LTBP1: variants seen among roughly 807,000 people sequenced by gnomAD.
The protein encoded by LTBP1 is latent transforming growth factor beta binding protein 1, also known as latent-transforming growth factor beta-binding protein 1.
LTBP1 carries 129 observed loss-of-function variants against 207.6 expected under a neutral mutation model. The observed-to-expected ratio is 0.62, with a 90% CI of 0.54 to 0.72. LTBP1 has a LOEUF of 0.72. Ranked by LOEUF, LTBP1 falls within the 30% of genes least tolerant of loss-of-function variation. LTBP1 has a pLI of 0.00. For missense variants in LTBP1, 2,281 were observed against 2,217.2 expected, an observed-to-expected ratio of 1.03 and a Z score of -0.58; for synonymous variants, 963 against 833.7, an observed-to-expected ratio of 1.16 and a Z score of -2.67.
At chr2:33,035,667 C>G (rs2075886247) in intron 3 of LTBP1, among the ~76,000 whole-genome samples, 1 of 152,204 alleles carries the variant, frequency 6.6e-6, no homozygotes. Context: ...ATATTTAACA[C>G]TTGCTGTGTA....
chr2:33,071,086 G>A (rs1177084451), intron 3 of LTBP1, among the ~76,000 whole-genome samples: 1 of 152,164 alleles, frequency 6.6e-6, no homozygotes, highest in African/African-American at 2.4e-5. Flanking sequence ...GCAGAGTAAA[G>A]ATTTTTCCAG....
At chr2:33,334,020 T>C (rs575311489) in intron 24 of LTBP1, among the ~76,000 whole-genome samples, 2 of 151,984 alleles carry the variant, frequency 1.3e-5, no homozygotes, top group East Asian at 3.9e-4. Context: ...AAGGAGAGAG[T>C]GGTCAACCGC....
At position 33,275,099 on chromosome 2, in the gene LTBP1, A is replaced by G. The variant is rs758115537; in HGVS notation, c.2869+9A>G. 3 of 1,613,468 alleles carry G rather than the reference A, an allele frequency of 1.9e-6. No homozygotes were observed. Among genetic ancestry groups the G allele is most frequent in the South Asian group, 1.1e-5 (1 of 91,042 alleles). ...GGGTACTAACTGCATAGGTAATGGC[A>G]GCATTCTTCCTGCTTACAAATTCTT... is the stretch of plus-strand genomic sequence containing the variant. On this transcript the variant is annotated intron_variant, in intron 17 of 33. Transcript: ENST00000404816.
intron 18 of LTBP1, among the ~76,000 whole-genome samples, chr2:33,279,545 T>C (rs531938630): frequency 6.6e-6 from 1 of 152,140 alleles, no homozygotes; most frequent in South Asian, 2.1e-4. Flanking sequence ...GGAATTCCTG[T>C]CATATGAAAG....
intron 3 of LTBP1, among the ~76,000 whole-genome samples, chr2:33,076,838 A>G (rs1055363729): frequency 3.9e-4 from 60 of 152,296 alleles, no homozygotes; most frequent in Non-Finnish European, 7.1e-4. Context: ...CCCAGACCCT[A>G]ATGTCTCATC....
chr2:33,180,041 A>G (rs2086460435), intron 5 of LTBP1, among the ~76,000 whole-genome samples: 1 of 152,080 alleles, frequency 6.6e-6, no homozygotes, highest in African/African-American at 2.4e-5. Context: ...GTCTTCACTC[A>G]TGTTATTTGT....
intron 2 of LTBP1, among the ~76,000 whole-genome samples, chr2:32,984,127 C>CT (rs1268804560): frequency 2.0e-5 from 3 of 152,158 alleles, no homozygotes; most frequent in African/African-American, 4.8e-5. Context: ...TTAAGAATGA[C>CT]TTTTTTTGGA....
chr2:33,128,125 T>C (rs1021014258), intron 4 of LTBP1, among the ~76,000 whole-genome samples: 3 of 152,208 alleles, frequency 2.0e-5, no homozygotes, highest in African/African-American at 7.2e-5. Context: ...AATGTGTTCC[T>C]TGGTAAACAA....
rs1354993958 is a variant in LTBP1 at position 32,947,040 on chromosome 2, G to C, written c.-285G>C. On this transcript the variant is annotated 5_prime_UTR_variant, in exon 1 of 34. Transcript: ENST00000404816. The stretch of plus-strand genomic sequence containing the variant: ...GCTGCAACCCCCGGCCGGACGCGCG[G>C]ACCCTCACCTTGCGCGGCCCGCTCC... The C allele has an allele frequency of 3.8e-6, 1 of 261,778 alleles. No individual in the cohort carries two copies. The highest frequency in any genetic ancestry group is 2.2e-5 in the African/African-American group (1 of 44,560). 16.2% of individuals were successfully genotyped at this position (261,778 alleles called of 1,614,324 possible).
intron 24 of LTBP1, among the ~76,000 whole-genome samples, chr2:33,337,970 A>G (rs2094572093): frequency 6.6e-6 from 1 of 152,228 alleles, no homozygotes; most frequent in African/African-American, 2.4e-5. Flanking sequence ...GGGACTAACA[A>G]TGGAAAAATA....
intron 31 of LTBP1, among the ~76,000 whole-genome samples, chr2:33,382,111 T>TTTTTTTTTTTTTTTTTTTTG (rs1553316521): frequency 4.8e-5 from 5 of 103,650 alleles, no homozygotes; most frequent in African/African-American, 2.4e-4. Context: ...TTTTTTTTTT[T>TTTTTTTTTTTTTTTTTTTTG]TGAGACAGAG....
intron 19 of LTBP1, among the ~76,000 whole-genome samples, chr2:33,287,208 C>A (rs2093683564): frequency 6.6e-6 from 1 of 152,186 alleles, no homozygotes; most frequent in Non-Finnish European, 1.5e-5. Flanking sequence ...AAGGTTTTGA[C>A]ATGATGGCAT....
In LTBP1 at chr2:33,373,971, A is replaced by G. The variant is rs529728343; in HGVS notation, c.4711+8468A>G. On this transcript the variant is annotated intron_variant, in intron 31 of 33. Transcript: ENST00000404816. ...TCATATCATTTTGCAAAAGTAAAGA[A>G]TTTGGAATGTCTTCAAACAATTCGG... 3.3e-5 allele frequency among the ~76,000 whole-genome samples: 5 copies of G among 152,336 alleles called. No homozygotes were observed. In the South Asian group the frequency reaches 1.0e-3, roughly 32 times the overall value.
At chr2:33,220,021 T>G (rs1440512022) in intron 8 of LTBP1, among the ~76,000 whole-genome samples, 1 of 152,212 alleles carries the variant, frequency 6.6e-6, no homozygotes, top group Non-Finnish European at 1.5e-5. Flanking sequence ...AAAGTTGCTG[T>G]CACTTTTAAC....
Position 32,947,713 on chromosome 2 carries a change from C to T in LTBP1, c.389C>T (p.Pro130Leu). Residue 130 changes from proline (P) to leucine (L), a missense_variant, in exon 1 of 34, where the codon CCG becomes CTG. Physicochemically the swap from Pro to Leu is moderately conservative, Grantham distance 98. Around this residue, in one of 3 missense-constraint regions of LTBP1, gnomAD observed 555 missense variants for 491.0 expected, o/e 1.13. Transcript: ENST00000404816. ...CCCGGCGGCCACCCGGCAGCCGCCC[C>T]GTTCACCAAACAAGGCAGGCAAGTT... ...PNPGGHPAAA[P>L]FTKQGRQVVR... 6.5e-7 allele frequency: 1 copy of T among 1,532,926 alleles called. No homozygotes were observed. Among genetic ancestry groups the T allele is most frequent in the Non-Finnish European group, 8.8e-7 (1 of 1,141,228 alleles). The allele number at this position is 1,532,926 out of a possible 1,614,324, so 95.0% of individuals were successfully genotyped here.
intron 15 of LTBP1, among the ~76,000 whole-genome samples, chr2:33,267,413 A>G (rs1057310368): frequency 9.9e-5 from 15 of 152,228 alleles, no homozygotes; most frequent in African/African-American, 3.6e-4. Context: ...TGATACCCCA[A>G]GGATCCTGTG....
chr2:33,080,409 C>A (rs2078325048), intron 3 of LTBP1, among the ~76,000 whole-genome samples: 1 of 152,126 alleles, frequency 6.6e-6, no homozygotes, highest in African/African-American at 2.4e-5. Context: ...CTTAAATCTT[C>A]TATGTCTTTA....
chr2:32,959,617 A>ATTTTTTTTTTTT (rs1373102884), intron 2 of LTBP1, among the ~76,000 whole-genome samples: 10 of 38,556 alleles, frequency 2.6e-4, no homozygotes, highest in South Asian at 2.1e-3. Context: ...ATATATATAT[A>ATTTTTTTTTTTT]TATATTTTTT....
chr2:32,947,606 C>T lies in LTBP1; in HGVS notation c.282C>T (p.Ala94=). Residue 94 remains alanine (A), a synonymous_variant, in exon 1 of 34, where the codon GCC becomes GCT. Coordinates refer to ENST00000404816, the MANE Select transcript of LTBP1 (RefSeq NM_206943.4). ...GCACGAGCAAGCCGGGCGGCGCGGC[C>T]CTGCAGGGGCTCAGACCGCCGCCGC... ...TRRTSKPGGA[A]LQGLRPPPPP... is the part of the protein sequence containing the mutation. 1 of 1,326,496 alleles carries T rather than the reference C, an allele frequency of 7.5e-7. No homozygotes were observed. The highest frequency in any genetic ancestry group is 9.6e-7 in the Non-Finnish European group (1 of 1,044,788). The allele number at this position is 1,326,496 out of a possible 1,614,324, so 82.2% of individuals were successfully genotyped here. A position where few individuals can be genotyped will look rare whatever the true frequency, so the allele number is the denominator to read the frequency against.
Sources: allele counts gnomAD v4.1 joint callset (sites outside exome capture counted in the v4.1 genomes callset), GRCh38; gene constraint gnomAD v4.1.1; regional missense constraint gnomAD v4.1.1; transcripts MANE v1.5; gene names NCBI Gene and HGNC (gene_info 2026-07-23, HGNC 2026-07-21).